Variants in RPS6KC1 observed in about 807,000 individuals in gnomAD.
The protein encoded by RPS6KC1 is inactive ribosomal protein S6 kinase delta-1.
In RPS6KC1, 54 loss-of-function variants were observed where a neutral mutation model predicts 103.8. The ratio of observed to expected loss-of-function variants is 0.52; its 90% CI spans 0.42 to 0.65. The LOEUF is 0.65. Among genes scored for constraint, RPS6KC1 ranks in the 30% least tolerant of loss-of-function variants. The pLI is 0.00. For synonymous variants in RPS6KC1, 439 were observed against 438.7 expected, an observed-to-expected ratio of 1.00 and a Z score of -0.01; for missense variants, 1,151 against 1,253.8, an observed-to-expected ratio of 0.92 and a Z score of 1.24.
intron 8 of RPS6KC1, among the ~76,000 whole-genome samples, chr1:213,185,255 A>G (rs943365775): frequency 6.6e-6 from 1 of 151,958 alleles, no homozygotes; most frequent in Non-Finnish European, 1.5e-5. Context: ...CCACCCCTTC[A>G]CTTTCAGTCT....
chr1:213,134,607 A>G (rs1225554845), intron 6 of RPS6KC1, among the ~76,000 whole-genome samples: 1 of 152,160 alleles, frequency 6.6e-6, no homozygotes, highest in Admixed American at 6.5e-5. Flanking sequence ...CTAGGCTATC[A>G]GGGATGTCCA....
the RPS6KC1 span, among the ~76,000 whole-genome samples, chr1:213,861,388 C>A: frequency 6.6e-6 from 1 of 151,958 alleles, no homozygotes; most frequent in Non-Finnish European, 1.5e-5. Context: ...AAGCTGGGTG[C>A]GCACCCAGGC....
intron 10 of RPS6KC1, among the ~76,000 whole-genome samples, chr1:213,233,010 G>C (rs990502583): frequency 6.6e-6 from 1 of 152,170 alleles, no homozygotes; most frequent in Non-Finnish European, 1.5e-5. Flanking sequence ...TCCGTATCTC[G>C]TGAAGGCATT....
At chr1:213,056,897 ATC>A (rs1036265152) in intron 1 of RPS6KC1, among the ~76,000 whole-genome samples, 3 of 134,344 alleles carry the variant, frequency 2.2e-5, no homozygotes, top group African/African-American at 5.6e-5. Flanking sequence ...TATGTCTTGT[ATC>A]TCCTCCGTTA....
chr1:213,211,081 AT>A (rs1170509005), intron 8 of RPS6KC1, among the ~76,000 whole-genome samples: 1 of 152,232 alleles, frequency 6.6e-6, no homozygotes, highest in Non-Finnish European at 1.5e-5. Context: ...GCATCAGAGT[AT>A]TTGGTTTTTC....
At chr1:213,058,529 T>G (rs933320028) in intron 1 of RPS6KC1, among the ~76,000 whole-genome samples, 2 of 152,138 alleles carry the variant, frequency 1.3e-5, no homozygotes, top group African/African-American at 4.8e-5. Flanking sequence ...AAACACCATT[T>G]GTTCAAGAGA....
the RPS6KC1 span, among the ~76,000 whole-genome samples, chr1:213,414,637 T>C: frequency 1.3e-5 from 2 of 152,218 alleles, no homozygotes; most frequent in Non-Finnish European, 2.9e-5. Context: ...CTTCTTGTCT[T>C]CTGAGCTGTG....
chr1:213,248,425 G>A (rs1189364975), intron 12 of RPS6KC1, among the ~76,000 whole-genome samples: 1 of 152,014 alleles, frequency 6.6e-6, no homozygotes, highest in Non-Finnish European at 1.5e-5. Context: ...AGTTCTTATC[G>A]TCATAAAAAC....
At chr1:213,774,420 A>T in the RPS6KC1 span, among the ~76,000 whole-genome samples, 1 of 152,166 alleles carries the variant, frequency 6.6e-6, no homozygotes, top group Admixed American at 6.5e-5. Flanking sequence ...CTAAAAGCAA[A>T]GCTATGGGAA....
intron 6 of RPS6KC1, among the ~76,000 whole-genome samples, chr1:213,165,566 G>C (rs573487812): frequency 2.8e-4 from 43 of 152,280 alleles, no homozygotes; most frequent in Non-Finnish European, 4.7e-4. Flanking sequence ...TGGGACTACA[G>C]GTTCCCACCA....
chr1:213,610,334 C>T, the RPS6KC1 span, among the ~76,000 whole-genome samples: 7 of 152,270 alleles, frequency 4.6e-5, no homozygotes, highest in African/African-American at 9.6e-5. Context: ...AACTGATAAA[C>T]GACAGATGAG....
chr1:213,689,799 T>G, the RPS6KC1 span, among the ~76,000 whole-genome samples: 2 of 152,220 alleles, frequency 1.3e-5, no homozygotes, highest in Non-Finnish European at 2.9e-5. Flanking sequence ...GGACTGCATT[T>G]TAAACAGACT....
At chr1:213,173,713 TTTATTGTTA>T (rs1174915591) in intron 7 of RPS6KC1, among the ~76,000 whole-genome samples, 1 of 152,220 alleles carries the variant, frequency 6.6e-6, no homozygotes, top group Non-Finnish European at 1.5e-5. Flanking sequence ...AAGAGAGTGT[TTTATTGTTA>T]TTTAACTGTT....
chr1:213,230,615 AC>A, intron 9 of RPS6KC1, 71 bp downstream of exon 9: 2 of 1,143,696 alleles, frequency 1.7e-6, no homozygotes, highest in Non-Finnish European at 2.5e-6. Context: ...TAGGCAGGTC[AC>A]CTAAGGTCAG....
intron 6 of RPS6KC1, among the ~76,000 whole-genome samples, chr1:213,143,581 T>G (rs2087345164): frequency 6.6e-6 from 1 of 152,038 alleles, no homozygotes; most frequent in Non-Finnish European, 1.5e-5. Context: ...AAATTTTCCA[T>G]AAAGTATTTG....
chr1:213,068,873 ATGTGTGTGTGTGTGTG>A (rs60259563), intron 1 of RPS6KC1, among the ~76,000 whole-genome samples: 64 of 127,394 alleles, frequency 5.0e-4, no homozygotes, highest in African/African-American at 1.6e-3. Context: ...AAGTGTATAT[ATGTGTGTGTGTGTGTG>A]TGTGTGTGTG....
At chr1:213,537,864 G>T in the RPS6KC1 span, among the ~76,000 whole-genome samples, 1 of 152,260 alleles carries the variant, frequency 6.6e-6, no homozygotes, top group African/African-American at 2.4e-5. Context: ...CAGGTGCTTT[G>T]TATATATCTA....
chr1:213,277,684 C>T (rs189110903), downstream of RPS6KC1, among the ~76,000 whole-genome samples: 194 of 152,336 alleles, frequency 1.3e-3, no homozygotes, highest in Middle Eastern at 0.014. Context: ...AGTTCTATCT[C>T]CATCTCCTTG....
chr1:213,529,158 G>T, the RPS6KC1 span, among the ~76,000 whole-genome samples: 1 of 152,030 alleles, frequency 6.6e-6, no homozygotes, highest in Admixed American at 6.6e-5. Flanking sequence ...TGTAGTAAGT[G>T]CCATAAATGG....
Sources: gnomAD v4.1 joint callset for allele counts (sites outside exome capture counted in the v4.1 genomes callset) on GRCh38, gnomAD v4.1.1 for gene constraint, MANE v1.5 for transcripts, NCBI Gene and HGNC (gene_info 2026-07-23, HGNC 2026-07-21) for gene names.